The following NCKAP5 variants were observed in gnomAD, a reference collection of about 807,000 sequenced individuals.
NCKAP5 encodes nck-associated protein 5.
A neutral mutation model predicts 167.0 loss-of-function variants in NCKAP5; 92 were observed. The observed-to-expected ratio is 0.55, with a 90% CI of 0.47 to 0.66. The LOEUF (loss-of-function observed/expected upper bound fraction) is 0.66, where lower values mean the gene tolerates loss of function less well. NCKAP5 is among the 30% of genes least tolerant of loss of function. The pLI, the probability that NCKAP5 is intolerant of heterozygous loss-of-function variation, is 0.00. For synonymous variants in NCKAP5, 891 were observed against 877.4 expected (o/e 1.02, Z -0.27); for missense variants, 2,378 against 2,315.0 (o/e 1.03, Z -0.56).
chr2:132,849,270 T>A (rs1486565613), intron 11 of NCKAP5, among the ~76,000 whole-genome samples: 1 of 152,126 alleles, frequency 6.6e-6, no homozygotes, highest in Non-Finnish European at 1.5e-5. Flanking sequence ...AACCACAAGA[T>A]TAAATAGATA....
intron 11 of NCKAP5, among the ~76,000 whole-genome samples, chr2:132,856,345 A>G (rs1434849482): frequency 1.3e-5 from 2 of 152,204 alleles, no homozygotes; most frequent in African/African-American, 4.8e-5. Context: ...AGAAAAAAAA[A>G]GCGGAACAAG....
intron 3 of NCKAP5, among the ~76,000 whole-genome samples, chr2:133,475,985 A>G (rs1003632280): frequency 2.6e-5 from 4 of 152,194 alleles, no homozygotes; most frequent in African/African-American, 9.7e-5. Flanking sequence ...CAGCAAGAAC[A>G]AAAAATCAGT....
chr2:133,461,561 C>A (rs929873258), intron 3 of NCKAP5, among the ~76,000 whole-genome samples: 1 of 152,160 alleles, frequency 6.6e-6, no homozygotes, highest in African/African-American at 2.4e-5. Context: ...CAAGTCCCAA[C>A]CAAGCAATTG....
At chr2:133,007,925 T>C (rs2078022800) in intron 6 of NCKAP5, among the ~76,000 whole-genome samples, 1 of 152,200 alleles carries the variant, frequency 6.6e-6, no homozygotes, top group Non-Finnish European at 1.5e-5. Context: ...CCAGGACTAG[T>C]CACATGGCCC....
chr2:133,662,860 G>A, the NCKAP5 span, among the ~76,000 whole-genome samples: 4 of 151,522 alleles, frequency 2.6e-5, no homozygotes, highest in African/African-American at 9.7e-5. Flanking sequence ...AGATTTGTTG[G>A]TTTCCCAGTG....
At chr2:133,025,689 G>C (rs966324701) in intron 6 of NCKAP5, among the ~76,000 whole-genome samples, 1 of 151,976 alleles carries the variant, frequency 6.6e-6, no homozygotes, top group Non-Finnish European at 1.5e-5. Context: ...CTATAGCCTG[G>C]GATTAGTGAA....
At chr2:133,647,525 AGGAAAGGAAAGGAG>A in the NCKAP5 span, among the ~76,000 whole-genome samples, 494 of 115,542 alleles carry the variant, frequency 4.3e-3, 1 homozygote, top group African/African-American at 7.2e-3. Flanking sequence ...AGGAAAGGAA[AGGAAAGGAAAGGAG>A]GGAGGGAGGG....
chr2:133,211,323 T>C (rs974818274), intron 5 of NCKAP5, among the ~76,000 whole-genome samples: 1 of 152,124 alleles, frequency 6.6e-6, no homozygotes, highest in African/African-American at 2.4e-5. Context: ...TTCTGTCTCC[T>C]GGGCTTAAAT....
At chr2:133,044,999 G>A (rs1172757256) in intron 6 of NCKAP5, among the ~76,000 whole-genome samples, 2 of 151,004 alleles carry the variant, frequency 1.3e-5, no homozygotes, top group Non-Finnish European at 2.9e-5. Flanking sequence ...AGGCTGAAGT[G>A]AGCTAAGAAG....
intron 6 of NCKAP5, among the ~76,000 whole-genome samples, chr2:133,105,923 C>T (rs729890): frequency 0.02 from 2,986 of 152,186 alleles, 90 homozygotes; most frequent in African/African-American, 0.069. Context: ...AGAAATAAAA[C>T]ATAAAGCCTA....
intron 8 of NCKAP5, among the ~76,000 whole-genome samples, chr2:132,912,448 T>C (rs1266214280): frequency 6.6e-6 from 1 of 152,222 alleles, no homozygotes; most frequent in Non-Finnish European, 1.5e-5. Context: ...CTATGTTTCT[T>C]TTCAGAGCCC....
rs1453899121 is a variant in NCKAP5, at chr2:133,300,379, A to G, written c.143+2658T>C. 1.4e-4 allele frequency among the ~76,000 whole-genome samples: 18 copies of G among 129,020 alleles called. 1 individual carries two copies. The highest frequency in any genetic ancestry group is 2.6e-4 in the Non-Finnish European group (16 of 62,170). 84.6% of individuals were successfully genotyped at this position (129,020 alleles called of 152,430 possible). On this transcript the variant is annotated intron_variant, in intron 4 of 19. Transcript: ENST00000409261. ...ATGAACACTGATGCAAAAATCCTCA[A>G]TAAAATACTGGCAAACCGAATCCAG...
At chr2:133,633,460 T>C in the NCKAP5 span, among the ~76,000 whole-genome samples, 2 of 152,070 alleles carry the variant, frequency 1.3e-5, no homozygotes, top group African/African-American at 4.8e-5. Flanking sequence ...AGAGAGTGTC[T>C]CGGAAGAGTC....
chr2:132,997,717 T>C (rs2077646017), intron 6 of NCKAP5, among the ~76,000 whole-genome samples: 1 of 151,980 alleles, frequency 6.6e-6, no homozygotes, highest in African/African-American at 2.4e-5. Flanking sequence ...AGGAGTTACC[T>C]TGGAGAACAA....
At chr2:133,164,587 A>C (rs1442498532) in intron 5 of NCKAP5, among the ~76,000 whole-genome samples, 2 of 152,196 alleles carry the variant, frequency 1.3e-5, no homozygotes, top group Non-Finnish European at 2.9e-5. Flanking sequence ...AGATTGTTTG[A>C]TGAGAACCTG....
intron 5 of NCKAP5, among the ~76,000 whole-genome samples, chr2:133,194,742 T>C (rs1377888496): frequency 6.6e-6 from 1 of 151,684 alleles, no homozygotes; most frequent in Non-Finnish European, 1.5e-5. Context: ...GCTAATCATG[T>C]GAAGTGAATT....
At chr2:133,497,922 A>G (rs1195572456) in intron 3 of NCKAP5, among the ~76,000 whole-genome samples, 1 of 152,194 alleles carries the variant, frequency 6.6e-6, no homozygotes, top group Non-Finnish European at 1.5e-5. Context: ...AACCCCAGGT[A>G]ACACAACCCG....
chr2:133,656,428 A>T, the NCKAP5 span, among the ~76,000 whole-genome samples: 2 of 152,240 alleles, frequency 1.3e-5, no homozygotes, highest in South Asian at 4.1e-4. Context: ...GAATCCTGTT[A>T]TAACAACTCA....
chr2:133,282,305 T>G (rs2089963212), intron 4 of NCKAP5, among the ~76,000 whole-genome samples: 1 of 152,150 alleles, frequency 6.6e-6, no homozygotes, highest in African/African-American at 2.4e-5. Flanking sequence ...AAAGCAGAGA[T>G]GAGGGCAAAA....
Sources: gnomAD v4.1 joint callset for allele counts (sites outside exome capture counted in the v4.1 genomes callset) on GRCh38, gnomAD v4.1.1 for gene constraint, MANE v1.5 for transcripts, NCBI Gene and HGNC (gene_info 2026-07-23, HGNC 2026-07-21) for gene names.